Variants in RIMS2 observed in about 807,000 individuals in gnomAD.
RIMS2 encodes regulating synaptic membrane exocytosis 2.
A neutral mutation model predicts 174.4 loss-of-function variants in RIMS2; 59 were observed. That is an observed-to-expected ratio of 0.34 (90% CI 0.27 to 0.42). RIMS2 has a LOEUF of 0.42. Among genes scored for constraint, RIMS2 ranks in the 10% least tolerant of loss-of-function variants. The pLI, the probability that RIMS2 is intolerant of heterozygous loss-of-function variation, is 1.00. For missense variants in RIMS2, 1,620 were observed against 1,666.3 expected (o/e 0.97, Z 0.48); for synonymous variants, 606 against 572.5 (o/e 1.06, Z -0.84).
chr8:103,590,772 C>A (rs1481300061), intron 1 of RIMS2, among the ~76,000 whole-genome samples: 1 of 151,042 alleles, frequency 6.6e-6, no homozygotes, highest in African/African-American at 2.4e-5. Context: ...GCATATTTCA[C>A]TGAGGATAAT....
intron 1 of RIMS2, among the ~76,000 whole-genome samples, chr8:103,666,116 G>T (rs1252475119): frequency 1.3e-5 from 2 of 152,140 alleles, no homozygotes; most frequent in Non-Finnish European, 2.9e-5. Flanking sequence ...CTGCCACATG[G>T]TCAGAGAGGA....
chr8:104,049,302 C>T (rs1555176153), intron 19 of RIMS2, among the ~76,000 whole-genome samples: 1 of 151,970 alleles, frequency 6.6e-6, no homozygotes, highest in Non-Finnish European at 1.5e-5. Flanking sequence ...GCCTGTAGTC[C>T]CAGCTACTCG....
At chr8:103,960,700 T>A (rs1211700196) in intron 14 of RIMS2, among the ~76,000 whole-genome samples, 1 of 152,158 alleles carries the variant, frequency 6.6e-6, no homozygotes, top group African/African-American at 2.4e-5. Context: ...AGTGTCTTTG[T>A]CCATAAGCAT....
chr8:103,550,892 A>AACCATTCAACAGGACACATTC (rs2131582917), intron 1 of RIMS2, among the ~76,000 whole-genome samples: 1 of 151,714 alleles, frequency 6.6e-6, no homozygotes, highest in East Asian at 1.9e-4. Context: ...ATACAAGACT[A>AACCATTCAACAGGACACATTC]AACCAGGAAG....
At chr8:103,846,311 G>T (rs79683800) in intron 3 of RIMS2, among the ~76,000 whole-genome samples, 1,567 of 152,262 alleles carry the variant, frequency 0.01, 29 homozygotes, top group African/African-American at 0.036. Context: ...AGGTGCATAT[G>T]CTTTATAGTG....
intron 19 of RIMS2, among the ~76,000 whole-genome samples, chr8:104,104,492 G>GTTCCC (rs2097991972): frequency 6.6e-6 from 1 of 152,176 alleles, no homozygotes; most frequent in Non-Finnish European, 1.5e-5. Context: ...TGCTAAATAA[G>GTTCCC]AAGGAAGACA....
At chr8:104,122,742 C>T (rs932787500) in intron 19 of RIMS2, among the ~76,000 whole-genome samples, 5 of 152,228 alleles carry the variant, frequency 3.3e-5, no homozygotes, top group East Asian at 1.9e-4. Flanking sequence ...TAGGTATTAA[C>T]TTCATGTTTA....
chr8:103,780,416 T>A (rs2098375440), intron 3 of RIMS2, among the ~76,000 whole-genome samples: 1 of 152,158 alleles, frequency 6.6e-6, no homozygotes, highest in African/African-American at 2.4e-5. Flanking sequence ...TTCATGTAGA[T>A]CATCTTCATA....
At chr8:103,783,777 A>G (rs1392428455) in intron 3 of RIMS2, among the ~76,000 whole-genome samples, 4 of 149,942 alleles carry the variant, frequency 2.7e-5, no homozygotes, top group Non-Finnish European at 6.0e-5. Context: ...CTTTGGGTAT[A>G]TGCCCAGTAA....
At chr8:103,552,034 A>G (rs1848182871) in intron 1 of RIMS2, among the ~76,000 whole-genome samples, 1 of 152,180 alleles carries the variant, frequency 6.6e-6, no homozygotes, top group African/African-American at 2.4e-5. Flanking sequence ...GCCCAAGGTA[A>G]TTTATACATT....
intron 3 of RIMS2, among the ~76,000 whole-genome samples, chr8:103,790,833 C>T (rs1020103475): frequency 6.6e-6 from 1 of 152,104 alleles, no homozygotes; most frequent in Non-Finnish European, 1.5e-5. Flanking sequence ...TTTATGTTTA[C>T]ATTGTAAAAA....
chr8:103,608,724 G>T (rs995908711), intron 1 of RIMS2, among the ~76,000 whole-genome samples: 15 of 152,154 alleles, frequency 9.9e-5, no homozygotes, highest in African/African-American at 3.4e-4. Context: ...TCAGAAAAGC[G>T]CAGTATTCGG....
intron 1 of RIMS2, among the ~76,000 whole-genome samples, chr8:103,693,337 A>G (rs2097056386): frequency 6.6e-6 from 1 of 152,150 alleles, no homozygotes; most frequent in African/African-American, 2.4e-5. Context: ...AAAAGTTAAA[A>G]CGAGGTACTG....
intron 19 of RIMS2, among the ~76,000 whole-genome samples, chr8:104,129,836 CA>C (rs1276143502): frequency 6.6e-6 from 1 of 152,140 alleles, no homozygotes; most frequent in Non-Finnish European, 1.5e-5. Flanking sequence ...TTTTAATTAG[CA>C]TAGCATTGAC....
chr8:104,069,623 C>A (rs375649489), intron 19 of RIMS2, among the ~76,000 whole-genome samples: 1 of 151,778 alleles, frequency 6.6e-6, no homozygotes, highest in Admixed American at 6.6e-5. Flanking sequence ...CATGCGCCAC[C>A]ATGCCCAGCT....
At chr8:104,239,852 T>C (rs1198554661) in intron 19 of RIMS2, among the ~76,000 whole-genome samples, 1 of 152,194 alleles carries the variant, frequency 6.6e-6, no homozygotes, top group African/African-American at 2.4e-5. Flanking sequence ...ATCACATGGC[T>C]GAAATGAAGA....
At chr8:104,066,363 T>C (rs768506169) in intron 19 of RIMS2, among the ~76,000 whole-genome samples, 4 of 150,048 alleles carry the variant, frequency 2.7e-5, no homozygotes, top group African/African-American at 4.9e-5. Context: ...TTTCTACGTA[T>C]ATATTTATCA....
intron 19 of RIMS2, among the ~76,000 whole-genome samples, chr8:104,210,270 C>G (rs2137636066): frequency 6.6e-6 from 1 of 152,272 alleles, no homozygotes. Context: ...GAACCAATTT[C>G]TGGATTTTAC....
intron 1 of RIMS2, among the ~76,000 whole-genome samples, chr8:103,646,570 G>A (rs2096337765): frequency 6.6e-6 from 1 of 152,112 alleles, no homozygotes; most frequent in Non-Finnish European, 1.5e-5. Flanking sequence ...AGGCCTCAGT[G>A]TTTGTTGTTT....
Sources: gnomAD v4.1 joint callset for allele counts (sites outside exome capture counted in the v4.1 genomes callset) on GRCh38, gnomAD v4.1.1 for gene constraint, MANE v1.5 for transcripts, NCBI Gene and HGNC (gene_info 2026-07-23, HGNC 2026-07-21) for gene names.